The following NBDY variants were observed in gnomAD, a reference collection of about 807,000 sequenced individuals.
NBDY encodes negative regulator of P-body association, also known as P-body dissociating protein.
chrX:56,813,935 A>G (rs1278273620), intron 2 of NBDY, among the ~76,000 whole-genome samples: 1 of 110,125 alleles, frequency 9.1e-6, no homozygotes, highest in East Asian at 2.9e-4. Context: ...GTTCATTGTC[A>G]TTGCTTCTTC....
intron 2 of NBDY, among the ~76,000 whole-genome samples, chrX:56,748,737 T>C (rs190031977): frequency 8.8e-4 from 91 of 103,501 alleles, no homozygotes; most frequent in African/African-American, 3.1e-3. Flanking sequence ...AATTTGTAAA[T>C]TAAGTTTATT....
intron 2 of NBDY, among the ~76,000 whole-genome samples, chrX:56,760,785 T>C (rs2069634141): frequency 8.9e-6 from 1 of 112,294 alleles, no homozygotes; most frequent in South Asian, 3.7e-4. Flanking sequence ...ACCTACATGG[T>C]CACTTTGGGG....
At chrX:56,731,672 G>A (rs1049155798) in intron 1 of NBDY, among the ~76,000 whole-genome samples, 6 of 111,920 alleles carry the variant, frequency 5.4e-5, no homozygotes, top group African/African-American at 1.9e-4. Flanking sequence ...TCCCCTCCAA[G>A]TGATTCAAAT....
chrX:56,796,299 T>C (rs1417304454), intron 2 of NBDY, among the ~76,000 whole-genome samples: 1 of 112,220 alleles, frequency 8.9e-6, no homozygotes, highest in Non-Finnish European at 1.9e-5. Context: ...GGAGGCCACT[T>C]GGGCTGCCAG....
chrX:56,750,144 T>G (rs988851696), intron 2 of NBDY, among the ~76,000 whole-genome samples: 2 of 111,328 alleles, frequency 1.8e-5, no homozygotes, highest in African/African-American at 6.5e-5. Flanking sequence ...AAATGCCGAT[T>G]TTTAAACAAC....
chrX:56,739,656 A>T (rs1347296867), intron 2 of NBDY, among the ~76,000 whole-genome samples: 1 of 110,748 alleles, frequency 9.0e-6, no homozygotes, highest in Non-Finnish European at 1.9e-5. Context: ...GGGCATCATA[A>T]TGGTGGTACA....
rs2146746482 is a variant in NBDY, at chrX:56,817,955, A to C, written c.*802A>C. On this transcript the variant is annotated 3_prime_UTR_variant, in exon 3 of 3. Transcript: ENST00000374922. Reference sequence around the variant, plus strand: ...CTTCTAAAATGCTTAGTATTGAACAAATAGAATATCCTAATTAAAAACAGT... The same window carrying C: ...CTTCTAAAATGCTTAGTATTGAACACATAGAATATCCTAATTAAAAACAGT... The C allele has an allele frequency of 9.0e-6, 1 of 111,712 alleles. No individual in the cohort carries two copies. Among genetic ancestry groups the C allele is most frequent in the South Asian group, 3.7e-4 (1 of 2,699 alleles). 9.2% of individuals were successfully genotyped at this position (111,712 alleles called of 1,213,427 possible).
intron 2 of NBDY, among the ~76,000 whole-genome samples, chrX:56,733,913 T>G (rs761846030): frequency 8.9e-6 from 1 of 112,488 alleles, no homozygotes; most frequent in East Asian, 2.8e-4. Context: ...GATGCCCATA[T>G]TTTTATAACT....
At chrX:56,757,783 G>T (rs2069619295) in intron 2 of NBDY, among the ~76,000 whole-genome samples, 1 of 111,256 alleles carries the variant, frequency 9.0e-6, no homozygotes, top group Non-Finnish European at 1.9e-5. Context: ...GCATGGTGGG[G>T]GGAGCTTGTA....
chrX:56,798,980 T>C lies in NBDY; in HGVS notation c.*167-18340T>C, dbSNP rs761778978. On this transcript the variant is annotated intron_variant, in intron 2 of 2. Coordinates refer to ENST00000374922, the MANE Select transcript of NBDY (RefSeq NM_001348129.2). ...ACTGTACTTGGCGTTTGTGGAGCCATAGTGCCATCAAGTGGAAATTGTTTC... is the reference window on the plus strand; with the variant it reads ...ACTGTACTTGGCGTTTGTGGAGCCACAGTGCCATCAAGTGGAAATTGTTTC... 8.0e-5 allele frequency among the ~76,000 whole-genome samples: 9 copies of C among 112,221 alleles called. No homozygotes were observed. In the East Asian group the frequency reaches 2.0e-3, roughly 25 times the overall value.
intron 2 of NBDY, among the ~76,000 whole-genome samples, chrX:56,754,918 C>A (rs915416887): frequency 4.5e-5 from 5 of 111,318 alleles, no homozygotes; most frequent in African/African-American, 9.8e-5. Flanking sequence ...TTGAAAATAT[C>A]AACAAAATTG....
intron 2 of NBDY, among the ~76,000 whole-genome samples, chrX:56,790,002 T>C (rs1232042093): frequency 9.0e-6 from 1 of 111,067 alleles, no homozygotes; most frequent in Non-Finnish European, 1.9e-5. Flanking sequence ...GATACAGAGC[T>C]CTCTGAGGTC....
intron 1 of NBDY, among the ~76,000 whole-genome samples, chrX:56,729,938 G>A (rs893762921): frequency 9.1e-6 from 1 of 109,811 alleles, no homozygotes; most frequent in African/African-American, 3.3e-5. Flanking sequence ...TGATGTATAT[G>A]TAGGGATTTA....
chrX:56,785,073 C>T (rs1261578709), intron 2 of NBDY, among the ~76,000 whole-genome samples: 2 of 111,358 alleles, frequency 1.8e-5, no homozygotes, highest in Non-Finnish European at 3.8e-5. Context: ...GATTCTCACA[C>T]TCATGAGAGT....
intron 1 of NBDY, among the ~76,000 whole-genome samples, chrX:56,730,577 G>A (rs950928163): frequency 1.0e-5 from 1 of 95,276 alleles, no homozygotes; most frequent in Non-Finnish European, 2.1e-5. Flanking sequence ...GGCCTTAAAG[G>A]TTGAGTGACA....
intron 2 of NBDY, among the ~76,000 whole-genome samples, chrX:56,796,003 A>T (rs1201516845): frequency 9.0e-6 from 1 of 110,907 alleles, no homozygotes; most frequent in Non-Finnish European, 1.9e-5. Context: ...ACCCATGCTC[A>T]TAAGTGTCTG....
At chrX:56,812,643 C>T (rs1008558481) in intron 2 of NBDY, among the ~76,000 whole-genome samples, 1 of 111,253 alleles carries the variant, frequency 9.0e-6, no homozygotes, top group Non-Finnish European at 1.9e-5. Flanking sequence ...CAATGAGAAG[C>T]TTTTCAGTGG....
chrX:56,786,214 G>A (rs890043374), intron 2 of NBDY, among the ~76,000 whole-genome samples: 1 of 110,754 alleles, frequency 9.0e-6, no homozygotes, highest in Non-Finnish European at 1.9e-5. Context: ...ACATCCTCAG[G>A]GCAAGGTTCA....
At position 56,818,572 on chromosome X, in the gene NBDY, A is replaced by G. The variant is rs2069920934; in HGVS notation, c.*1419A>G. 1 of 112,257 alleles carries G rather than the reference A, an allele frequency of 8.9e-6. No individual in the cohort carries two copies. Among genetic ancestry groups the G allele is most frequent in the African/African-American group, 3.2e-5 (1 of 30,972 alleles). The allele number at this position is 112,257 out of a possible 1,213,427, so 9.3% of individuals were successfully genotyped here. A position where few individuals can be genotyped will look rare whatever the true frequency, so the allele number is the denominator to read the frequency against. On this transcript the variant is annotated 3_prime_UTR_variant, in exon 3 of 3. Transcript: ENST00000374922. ...AAGGACATCTGGTGAAAGGCATTTT[A>G]TGCATCAGAAGGCACAGTATTATAA...
Sources: allele counts gnomAD v4.1 joint callset (sites outside exome capture counted in the v4.1 genomes callset), GRCh38; gene constraint gnomAD v4.1.1; transcripts MANE v1.5; gene names NCBI Gene and HGNC (gene_info 2026-07-23, HGNC 2026-07-21).